Variants in IL17RD observed in about 807,000 individuals in gnomAD.
IL17RD encodes the protein interleukin 17 receptor D, also known as interleukin-17 receptor D.
In IL17RD, 52 loss-of-function variants were observed where a neutral mutation model predicts 80.5. That is an observed-to-expected ratio of 0.65 (90% CI 0.52 to 0.81). The LOEUF (loss-of-function observed/expected upper bound fraction) is 0.81, where lower values mean the gene tolerates loss of function less well. Ranked by LOEUF, IL17RD falls within the 40% of genes least tolerant of loss-of-function variation. IL17RD has a pLI of 0.00. For missense variants in IL17RD, 1,024 were observed against 955.1 expected, an observed-to-expected ratio of 1.07 and a Z score of -0.95; for synonymous variants, 416 against 391.8, an observed-to-expected ratio of 1.06 and a Z score of -0.73.
chr3:57,091,119 C>A lies in IL17RD; in HGVS notation c.*5274G>T, dbSNP rs1303183229. ...CTTAGCAACTACTGCTGTTACCACA[C>A]CAGTGGTTAAACTGAAGTCTGTACC... On this transcript the variant is annotated 3_prime_UTR_variant, in exon 13 of 13. Transcript: ENST00000296318. 6.6e-6 allele frequency: 1 copy of A among 152,570 alleles called. No homozygotes were observed. Among genetic ancestry groups the A allele is most frequent in the Non-Finnish European group, 1.5e-5 (1 of 68,028 alleles). 9.5% of individuals were successfully genotyped at this position (152,570 alleles called of 1,614,324 possible). A position where few individuals can be genotyped will look rare whatever the true frequency, so the allele number is the denominator to read the frequency against.
upstream of IL17RD, among the ~76,000 whole-genome samples, chr3:57,165,834 G>A (rs2060345694): frequency 6.6e-6 from 1 of 152,036 alleles, no homozygotes; most frequent in African/African-American, 2.4e-5. Flanking sequence ...TTGGACAAAA[G>A]GCTTGCTGTC....
chr3:57,134,027 T>G, intron 1 of IL17RD: 1 of 337,006 alleles, frequency 3.0e-6, no homozygotes, highest in South Asian at 4.7e-5. Flanking sequence ...CAGAAAAGAT[T>G]AAAAGCAGTG....
At chr3:57,123,676 G>A (rs1707387055) in intron 1 of IL17RD, among the ~76,000 whole-genome samples, 2 of 152,198 alleles carry the variant, frequency 1.3e-5, no homozygotes, top group Admixed American at 6.5e-5. Flanking sequence ...ATAAGACCCC[G>A]TGGCCATCCA....
intron 3 of IL17RD, among the ~76,000 whole-genome samples, chr3:57,111,321 C>T (rs1400177996): frequency 6.6e-6 from 1 of 152,174 alleles, no homozygotes; most frequent in South Asian, 2.1e-4. Context: ...ATACATATTT[C>T]TTGGTGAGTA....
intron 1 of IL17RD, among the ~76,000 whole-genome samples, chr3:57,161,615 G>T (rs2060305636): frequency 6.6e-6 from 1 of 152,134 alleles, no homozygotes; most frequent in Non-Finnish European, 1.5e-5. Flanking sequence ...AAGGAGGCAA[G>T]AAATGTTCCC....
intron 3 of IL17RD, 50 bp from the exon 4 acceptor site, chr3:57,110,361 A>C: frequency 6.5e-7 from 1 of 1,540,276 alleles, no homozygotes; most frequent in South Asian, 1.2e-5. Flanking sequence ...TTACTTCTGA[A>C]CACACTCTTC....
intron 3 of IL17RD, among the ~76,000 whole-genome samples, chr3:57,112,424 T>C (rs911623414): frequency 1.3e-5 from 2 of 152,214 alleles, no homozygotes; most frequent in Non-Finnish European, 2.9e-5. Context: ...TTCCAAGAAG[T>C]GTCCTTGATA....
intron 1 of IL17RD, among the ~76,000 whole-genome samples, chr3:57,159,574 CA>C (rs1310142005): frequency 6.6e-6 from 1 of 152,216 alleles, no homozygotes; most frequent in Non-Finnish European, 1.5e-5. Flanking sequence ...CCCAGGAGGA[CA>C]ATGCCTCCCA....
At chr3:57,162,540 T>G (rs748365731) in intron 1 of IL17RD, among the ~76,000 whole-genome samples, 1 of 152,124 alleles carries the variant, frequency 6.6e-6, no homozygotes, top group African/African-American at 2.4e-5. Flanking sequence ...CTAGAAGACA[T>G]GACCTAGGGA....
At chr3:57,147,970 T>C (rs1256146811) in intron 1 of IL17RD, among the ~76,000 whole-genome samples, 1 of 152,040 alleles carries the variant, frequency 6.6e-6, no homozygotes, top group Non-Finnish European at 1.5e-5. Context: ...AGAGATGTTA[T>C]GATCCATCCA....
rs76028310 is a variant in IL17RD at position 57,138,543 on chromosome 3, G to T, written c.127-18230C>A. On this transcript the variant is annotated intron_variant, in intron 1 of 12. Coordinates refer to ENST00000296318, the MANE Select transcript of IL17RD (RefSeq NM_017563.5). Reference sequence around the variant, plus strand: ...TTTTAAGGAAAAAATAGCAGGACTTGGTGACAAATACAATACCGAGGTGAT... The same window carrying T: ...TTTTAAGGAAAAAATAGCAGGACTTTGTGACAAATACAATACCGAGGTGAT... Among the ~76,000 whole-genome samples, 1,318 of 152,236 alleles carry T rather than the reference G, an allele frequency of 8.7e-3. 18 individuals carry two copies. The highest frequency in any genetic ancestry group is 0.03 in the African/African-American group (1,247 of 41,548).
rs116882985 is a variant in IL17RD at position 57,098,047 on chromosome 3, A to C, written c.1656T>G (p.Phe552Leu). 3.1e-6 allele frequency: 5 copies of C among 1,613,854 alleles called. No homozygotes were observed. In the African/African-American group the frequency reaches 5.3e-5, roughly 17 times the overall value. Residue 552 changes from phenylalanine to leucine, a missense_variant, in exon 12 of 13, where the codon TTT becomes TTG. Phe to Leu is a conservative substitution (Grantham distance 22, BLOSUM62 0). Transcript: ENST00000296318. ...LYVAICNMHQFIDEEPDWFEK... is the reference protein window; with the variant it reads ...LYVAICNMHQLIDEEPDWFEK... The stretch of plus-strand genomic sequence containing the variant: ...CGAACCAGTCGGGCTCCTCGTCAAT[A>C]AACTGGTGCATGTTGCAAATGGCGA...
chr3:57,096,955 A>T (rs982920334), intron 12 of IL17RD, among the ~76,000 whole-genome samples: 9 of 150,962 alleles, frequency 6.0e-5, no homozygotes, highest in Non-Finnish European at 1.3e-4. Flanking sequence ...GGTTGCAGTG[A>T]GCTGAGATCA....
intron 1 of IL17RD, among the ~76,000 whole-genome samples, chr3:57,127,233 AAT>A (rs371931689): frequency 8.1e-5 from 7 of 86,848 alleles, no homozygotes; most frequent in Non-Finnish European, 1.4e-4. Flanking sequence ...TATATATAAA[AAT>A]ATATAAATAT....
At chr3:57,127,217 TATAA>T (rs1475012042) in intron 1 of IL17RD, among the ~76,000 whole-genome samples, 6 of 119,612 alleles carry the variant, frequency 5.0e-5, no homozygotes, top group Non-Finnish European at 7.9e-5. Flanking sequence ...TAAAAATATA[TATAA>T]ATATATATAA....
chr3:57,119,313 C>T (rs1403466525), intron 2 of IL17RD, among the ~76,000 whole-genome samples: 3 of 150,954 alleles, frequency 2.0e-5, no homozygotes, highest in African/African-American at 7.3e-5. Context: ...GATCGTGCCA[C>T]TGCACTCCAG....
At chr3:57,140,482 C>T (rs1254946973) in intron 1 of IL17RD, among the ~76,000 whole-genome samples, 1 of 152,182 alleles carries the variant, frequency 6.6e-6, no homozygotes, top group African/African-American at 2.4e-5. Context: ...TTCAGGCAAA[C>T]CATTTTTGTT....
chr3:57,157,812 A>T (rs574829789), intron 1 of IL17RD, among the ~76,000 whole-genome samples: 1 of 152,336 alleles, frequency 6.6e-6, no homozygotes, highest in Admixed American at 6.5e-5. Context: ...CTTCGTTCCA[A>T]GGAAGCCCTC....
In IL17RD at chr3:57,097,802, C is replaced by T. The variant is rs1486656267; in HGVS notation, c.1901G>A (p.Arg634Gln). 7 of 1,605,216 alleles carry T rather than the reference C, an allele frequency of 4.4e-6. No individual in the cohort carries two copies. Among genetic ancestry groups the T allele is most frequent in the East Asian group, 2.2e-5 (1 of 44,794 alleles). ...GGCGGCGCTACCGTCAAGGGCAGGC[C>T]GGGCCTCCCCGTCTTGGTCCAGGCC... ...HGGLDQDGEARPALDGSAALQ... is the reference protein window; with the variant it reads ...HGGLDQDGEAQPALDGSAALQ... Residue 634 changes from arginine to glutamine, a missense_variant, in exon 12 of 13, where the codon CGG becomes CAG. Physicochemically the swap from Arg to Gln is conservative, Grantham distance 43 (BLOSUM62 1). Transcript: ENST00000296318.
Sources: gnomAD v4.1 joint callset for allele counts (sites outside exome capture counted in the v4.1 genomes callset) on GRCh38, gnomAD v4.1.1 for gene constraint, MANE v1.5 for transcripts, NCBI Gene and HGNC (gene_info 2026-07-23, HGNC 2026-07-21) for gene names.